ARHGAP18: variants seen among roughly 807,000 people sequenced by gnomAD.
The protein encoded by ARHGAP18 is Rho GTPase activating protein 18, also known as rho GTPase-activating protein 18.
A neutral mutation model predicts 86.2 loss-of-function variants in ARHGAP18; 67 were observed. That is an observed-to-expected ratio of 0.78 (90% CI 0.64 to 0.95). The LOEUF (loss-of-function observed/expected upper bound fraction) is 0.95, where lower values mean the gene tolerates loss of function less well. Among genes scored for constraint, ARHGAP18 ranks in the 40% least tolerant of loss-of-function variants. The pLI is 0.00. For synonymous variants in ARHGAP18, 283 were observed against 280.4 expected (o/e 1.01, Z -0.09); for missense variants, 691 against 780.4 (o/e 0.89, Z 1.37).
At chr6:129,670,807 G>A (rs558946702) in intron 1 of ARHGAP18, among the ~76,000 whole-genome samples, 1 of 151,120 alleles carries the variant, frequency 6.6e-6, no homozygotes, top group African/African-American at 2.4e-5. Context: ...GGCATCAGCA[G>A]GAACCCAGCT....
rs575925681 is a variant in ARHGAP18 at position 129,684,095 on chromosome 6, C to A, written c.113+25929G>T. The stretch of plus-strand genomic sequence containing the variant: ...CAAAGCTTAGTAAGAGCTCCTTGAG[C>A]AGGCCTGGGGAGAGAGATGTCAGTG... On this transcript the variant is annotated intron_variant, in intron 1 of 14. Coordinates refer to ENST00000368149, the MANE Select transcript of ARHGAP18 (RefSeq NM_033515.3). 5.9e-5 allele frequency among the ~76,000 whole-genome samples: 9 copies of A among 152,302 alleles called. 1 individual carries two copies. The South Asian group carries it at 1.9e-3, about 32-fold the overall frequency.
At chr6:129,658,020 G>C (rs931116410) in intron 1 of ARHGAP18, among the ~76,000 whole-genome samples, 5 of 152,154 alleles carry the variant, frequency 3.3e-5, no homozygotes, top group Non-Finnish European at 5.9e-5. Context: ...TCCAGAAAAA[G>C]TGTTTCTTAC....
chr6:129,652,886 G>C (rs1244802856), intron 1 of ARHGAP18, among the ~76,000 whole-genome samples: 1 of 152,142 alleles, frequency 6.6e-6, no homozygotes, highest in African/African-American at 2.4e-5. Context: ...TTTAATGTTA[G>C]AATAGTACTG....
intron 1 of ARHGAP18, among the ~76,000 whole-genome samples, chr6:129,678,483 T>C (rs1328211288): frequency 6.6e-6 from 1 of 152,180 alleles, no homozygotes; most frequent in Non-Finnish European, 1.5e-5. Context: ...AAATACATTG[T>C]AATTTGGAAA....
intron 10 of ARHGAP18, among the ~76,000 whole-genome samples, chr6:129,604,794 G>A (rs1353290128): frequency 6.6e-6 from 1 of 152,194 alleles, no homozygotes; most frequent in African/African-American, 2.4e-5. Context: ...ATTTAGGAAA[G>A]GGAATAACCC....
chr6:129,705,003 C>T (rs1774780400), intron 1 of ARHGAP18, among the ~76,000 whole-genome samples: 1 of 152,176 alleles, frequency 6.6e-6, no homozygotes, highest in Admixed American at 6.5e-5. Context: ...ACTCTCTACC[C>T]ACTATCTGCC....
In ARHGAP18 at chr6:129,629,438, A is replaced by T. The variant is rs756820590; in HGVS notation, c.701T>A (p.Val234Glu). ...ATTGAGTGCTTGCTCGGCAAATGAT[A>T]CCTCCAGGTTGATGTCTGTTTCAGG... ...PAPETDINLE[V>E]SFAEQALNQK... The change falls in exon 5 of 15, where the codon GTA becomes GAA. Residue 234 changes from valine to glutamate, a missense_variant. By Grantham distance (121) the Val-to-Glu change is moderately radical (BLOSUM62 -2). Transcript: ENST00000368149. The T allele has an allele frequency of 5.6e-6, 9 of 1,613,384 alleles. No homozygotes were observed. In the South Asian group the frequency reaches 8.8e-5, roughly 16 times the overall value.
At chr6:129,693,873 T>C (rs1365564593) in intron 1 of ARHGAP18, among the ~76,000 whole-genome samples, 1 of 151,846 alleles carries the variant, frequency 6.6e-6, no homozygotes, top group African/African-American at 2.4e-5. Flanking sequence ...TATTTTTCTT[T>C]TCTGTGATGA....
intron 1 of ARHGAP18, among the ~76,000 whole-genome samples, chr6:129,675,531 C>T (rs1226061749): frequency 6.6e-6 from 1 of 152,054 alleles, no homozygotes; most frequent in Non-Finnish European, 1.5e-5. Flanking sequence ...CATTATCTGG[C>T]AATGTCATCT....
In ARHGAP18 at chr6:129,577,144, G is replaced by A. The variant is rs1307977906; in HGVS notation, c.*1369C>T. The A allele has an allele frequency of 6.6e-6, 1 of 151,940 alleles. No homozygotes were observed. Among genetic ancestry groups the A allele is most frequent in the African/African-American group, 2.4e-5 (1 of 41,384 alleles). 9.4% of individuals were successfully genotyped at this position (151,940 alleles called of 1,614,324 possible). On this transcript the variant is annotated 3_prime_UTR_variant, in exon 15 of 15. Coordinates refer to ENST00000368149, the MANE Select transcript of ARHGAP18 (RefSeq NM_033515.3). ...ACAAAATTTTCTTTTAAATAAAAAA[G>A]CAATGGCACGAATCACCACAAAATC...
At chr6:129,646,889 C>G (rs1187170940) in intron 1 of ARHGAP18, among the ~76,000 whole-genome samples, 1 of 152,158 alleles carries the variant, frequency 6.6e-6, no homozygotes, top group Non-Finnish European at 1.5e-5. Flanking sequence ...CAGGTGTTCC[C>G]AGACCACGCT....
intron 5 of ARHGAP18, among the ~76,000 whole-genome samples, chr6:129,625,756 AT>A (rs1382183007): frequency 1.6e-5 from 1 of 61,314 alleles, no homozygotes; most frequent in Non-Finnish European, 3.0e-5. Context: ...TATATTATAT[AT>A]TTATATATTA....
At chr6:129,588,870 C>A (rs934744614) in intron 12 of ARHGAP18, among the ~76,000 whole-genome samples, 16 of 152,270 alleles carry the variant, frequency 1.1e-4, no homozygotes, top group African/African-American at 3.9e-4. Context: ...TACCTACAGA[C>A]TAAACACCAC....
intron 1 of ARHGAP18, among the ~76,000 whole-genome samples, chr6:129,667,148 T>G (rs1354399576): frequency 6.6e-6 from 1 of 152,144 alleles, no homozygotes; most frequent in Non-Finnish European, 1.5e-5. Context: ...CTTCCCACTC[T>G]GGGAAGTAGG....
chr6:129,647,538 T>C (rs1385646712), intron 1 of ARHGAP18, among the ~76,000 whole-genome samples: 1 of 152,226 alleles, frequency 6.6e-6, no homozygotes, highest in Admixed American at 6.5e-5. Flanking sequence ...CTAAAAACGA[T>C]ATACTTTCTT....
chr6:129,626,065 T>TACACACATATAC (rs1554336384), intron 5 of ARHGAP18, among the ~76,000 whole-genome samples: 1 of 101,532 alleles, frequency 9.8e-6, no homozygotes, highest in Non-Finnish European at 1.9e-5. Flanking sequence ...TATACACATA[T>TACACACATATAC]ACACACACAC....
intron 6 of ARHGAP18, among the ~76,000 whole-genome samples, chr6:129,616,804 A>G (rs2114468180): frequency 6.6e-6 from 1 of 152,198 alleles, no homozygotes; most frequent in African/African-American, 2.4e-5. Context: ...AAATAAAAAA[A>G]AATTAGGCAG....
At chr6:129,606,071 T>C (rs1788847908) in intron 9 of ARHGAP18, 112 bp from the exon 10 acceptor site, 2 of 963,518 alleles carry the variant, frequency 2.1e-6, no homozygotes, top group Non-Finnish European at 3.2e-6. Flanking sequence ...GACTGTAAAA[T>C]GTAAGACACA....
chr6:129,681,511 C>T (rs1774324434), intron 1 of ARHGAP18, among the ~76,000 whole-genome samples: 1 of 152,176 alleles, frequency 6.6e-6, no homozygotes, highest in Non-Finnish European at 1.5e-5. Flanking sequence ...CTTCTCTCTC[C>T]AGATCTGAAT....
Sources: allele counts gnomAD v4.1 joint callset (sites outside exome capture counted in the v4.1 genomes callset), GRCh38; gene constraint gnomAD v4.1.1; transcripts MANE v1.5; gene names NCBI Gene and HGNC (gene_info 2026-07-23, HGNC 2026-07-21).